The following PRMT9 variants were observed in gnomAD, a reference collection of about 807,000 sequenced individuals.
PRMT9 encodes the protein protein arginine methyltransferase 9.
A neutral mutation model predicts 83.2 loss-of-function variants in PRMT9; 59 were observed. The ratio of observed to expected loss-of-function variants is 0.71; its 90% CI spans 0.57 to 0.88. The LOEUF is 0.88. Ranked by LOEUF, PRMT9 falls within the 40% of genes least tolerant of loss-of-function variation. PRMT9 has a pLI of 0.00. For synonymous variants in PRMT9, 333 were observed against 353.2 expected (o/e 0.94, Z 0.64); for missense variants, 947 against 1,021.9 (o/e 0.93, Z 1.00).
chr4:147,667,143 A>G (rs2126621401), intron 6 of PRMT9, among the ~76,000 whole-genome samples: 1 of 152,358 alleles, frequency 6.6e-6, no homozygotes, highest in East Asian at 1.9e-4. Context: ...TGGGCAATGC[A>G]GTAAGGCATC....
chr4:147,661,026 C>T lies in PRMT9; in HGVS notation c.966G>A (p.Lys322=). ...EIRRHHRVGI[K]DIAGIHLPTN... ...TTGGCAAATGGATACCAGCAATGTCCTTAATACCCACTCTGGAGAGAGAGA... is the reference window on the plus strand; with the variant it reads ...TTGGCAAATGGATACCAGCAATGTCTTTAATACCCACTCTGGAGAGAGAGA... The change falls in exon 7 of 12, where the codon AAG becomes AAA. Residue 322 remains lysine, a synonymous_variant. Coordinates refer to ENST00000322396, the MANE Select transcript of PRMT9 (RefSeq NM_138364.4). 6.2e-7 allele frequency: 1 copy of T among 1,610,052 alleles called. No homozygotes were observed. The highest frequency in any genetic ancestry group is 8.5e-7 in the Non-Finnish European group (1 of 1,176,566).
Position 147,657,807 on chromosome 4 carries a change from C to G in PRMT9, c.1315G>C (p.Val439Leu). ...CAAGACCTACCTGCAAGGTCCTGTA[C>G]GGGGTAGACAGCCTGTTCCCAACAT... ...ETCWEQAVYP[V>L]QDLADYWIKP... Residue 439 changes from valine (V) to leucine (L), a missense_variant, in exon 8 of 12, where the codon GTA (valine) becomes CTA (leucine). Transcript: ENST00000322396. 1.2e-6 allele frequency: 2 copies of G among 1,611,786 alleles called. No individual in the cohort carries two copies. The highest frequency in any genetic ancestry group is 1.7e-6 in the Non-Finnish European group (2 of 1,179,470).
intron 8 of PRMT9, among the ~76,000 whole-genome samples, chr4:147,655,087 G>A (rs1241952756): frequency 6.6e-6 from 1 of 152,196 alleles, no homozygotes; most frequent in African/African-American, 2.4e-5. Context: ...TGCATGTCTA[G>A]GAACTTCAAA....
intron 9 of PRMT9, among the ~76,000 whole-genome samples, chr4:147,650,843 C>T (rs1265379458): frequency 2.0e-5 from 3 of 152,174 alleles, no homozygotes; most frequent in South Asian, 2.1e-4. Flanking sequence ...TGGCTCATGC[C>T]TGTAATCCCA....
At chr4:147,673,327 G>T (rs540965438) in intron 3 of PRMT9, among the ~76,000 whole-genome samples, 1 of 152,092 alleles carries the variant, frequency 6.6e-6, no homozygotes, top group African/African-American at 2.4e-5. Context: ...CTCTATTAAA[G>T]ACACAACTGG....
At chr4:147,683,720 C>CGT in intron 1 of PRMT9, 79 bp downstream of exon 1, 79 of 1,049,852 alleles carry the variant, frequency 7.5e-5, no homozygotes, top group East Asian at 2.4e-4. Context: ...AGCCCCTCCG[C>CGT]TTTTTTTTTT....
In PRMT9 at chr4:147,654,258, A is replaced by G; in HGVS notation, c.1639T>C (p.Ser547Pro). The change falls in exon 9 of 12, where the codon TCA becomes CCA. Residue 547 changes from serine to proline, a missense_variant. Physicochemically the swap from Ser to Pro is moderately conservative, Grantham distance 74 (BLOSUM62 -1). Coordinates refer to ENST00000322396, the MANE Select transcript of PRMT9 (RefSeq NM_138364.4). ...TGATACAGTTTCTCTGGAGTCAGTGAAGACAAAACTTTGCTCATTGCCATT... is the reference window on the plus strand; with the variant it reads ...TGATACAGTTTCTCTGGAGTCAGTGGAGACAAAACTTTGCTCATTGCCATT... Reference protein sequence around the residue: ...FKMAMSKVLSSLTPEKLYQTM... With the variant: ...FKMAMSKVLSPLTPEKLYQTM... The G allele has an allele frequency of 6.2e-7, 1 of 1,614,230 alleles. No individual in the cohort carries two copies. The highest frequency in any genetic ancestry group is 8.5e-7 in the Non-Finnish European group (1 of 1,180,026).
chr4:147,668,388 A>T (rs890884396), intron 6 of PRMT9, 151 bp downstream of exon 6: 2 of 653,956 alleles, frequency 3.1e-6, no homozygotes, highest in Non-Finnish European at 5.5e-6. Context: ...GCCATATAAG[A>T]CGTGCCTGCT....
In PRMT9 at chr4:147,650,837, T is replaced by TC. The variant is rs775392207; in HGVS notation, c.2045+3014dup. Among the ~76,000 whole-genome samples, 7 of 152,246 alleles carry TC rather than the reference T, an allele frequency of 4.6e-5. 1 individual carries two copies. On this transcript the variant is annotated intron_variant, in intron 9 of 11. Coordinates refer to ENST00000322396, the MANE Select transcript of PRMT9 (RefSeq NM_138364.4). ...AAGAGCCCAAGGCGGGCACGGTGGC[T>TC]CATGCCTGTAATCCCAGCACTTTGG...
chr4:147,650,904 C>T (rs1335774530), intron 9 of PRMT9, among the ~76,000 whole-genome samples: 3 of 152,164 alleles, frequency 2.0e-5, no homozygotes, highest in Non-Finnish European at 2.9e-5. Flanking sequence ...AGATCGAGAC[C>T]ATCCTGGCTA....
intron 6 of PRMT9, among the ~76,000 whole-genome samples, chr4:147,663,809 T>C (rs1032319336): frequency 5.3e-5 from 8 of 152,230 alleles, no homozygotes; most frequent in African/African-American, 1.9e-4. Flanking sequence ...TTCCATACCT[T>C]TTTTTAATAT....
intron 8 of PRMT9, 109 bp downstream of exon 8, chr4:147,657,683 C>T (rs577814033): frequency 2.5e-6 from 2 of 791,506 alleles, no homozygotes; most frequent in African/African-American, 1.7e-5. Flanking sequence ...ATTTAACCAA[C>T]CTCCTTTGAC....
intron 2 of PRMT9, among the ~76,000 whole-genome samples, chr4:147,679,704 C>T (rs1014657626): frequency 6.6e-6 from 1 of 152,084 alleles, no homozygotes; most frequent in African/African-American, 2.4e-5. Context: ...GAGCTGAGAT[C>T]ACGCCACTTC....
intron 2 of PRMT9, among the ~76,000 whole-genome samples, chr4:147,674,138 A>C (rs1433733757): frequency 6.6e-6 from 1 of 152,190 alleles, no homozygotes; most frequent in Non-Finnish European, 1.5e-5. Flanking sequence ...TGTATAGCAG[A>C]AGCTCTCACA....
chr4:147,683,868 G>A lies in PRMT9; in HGVS notation c.120C>T (p.Asp40=), dbSNP rs1736675823. The A allele has an allele frequency of 2.5e-6, 4 of 1,613,492 alleles. No individual in the cohort carries two copies. The African/African-American group carries it at 4.0e-5, about 16-fold the overall frequency. Residue 40 remains aspartate (D), a synonymous_variant, in exon 1 of 12, where the codon GAC becomes GAT. Transcript: ENST00000322396. ...GGTAGTGGGCATAGGCAGTGCCGAAGTCCTGGACGCCCAGACAGTGCTCTG... is the reference window on the plus strand; with the variant it reads ...GGTAGTGGGCATAGGCAGTGCCGAAATCCTGGACGCCCAGACAGTGCTCTG... ...QSAEHCLGVQ[D]FGTAYAHYLL...
intron 6 of PRMT9, among the ~76,000 whole-genome samples, chr4:147,664,226 T>C (rs1205241128): frequency 6.6e-6 from 1 of 152,214 alleles, no homozygotes; most frequent in African/African-American, 2.4e-5. Context: ...GAGGATCACT[T>C]GAGCTTGGGA....
Position 147,683,921 on chromosome 4 carries a change from C to G in PRMT9, c.67G>C (p.Glu23Gln). The G allele has an allele frequency of 6.2e-7, 1 of 1,613,020 alleles. No homozygotes were observed. The highest frequency in any genetic ancestry group is 1.1e-5 in the South Asian group (1 of 91,066). Residue 23 changes from glutamate to glutamine, a missense_variant, in exon 1 of 12, where the codon GAG becomes CAG. Physicochemically the swap from Glu to Gln is conservative, Grantham distance 29 (BLOSUM62 2). Coordinates refer to ENST00000322396, the MANE Select transcript of PRMT9 (RefSeq NM_138364.4). ...GGGAGAAGRD[E>Q]LVSRSLQSAE... is the part of the protein sequence containing the mutation. ...CTCTGCAAGGACCGCGACACCAGCT[C>G]GTCCCGGCCGGCTGCCCCAGCGCCA...
chr4:147,673,520 C>A, intron 3 of PRMT9, 118 bp downstream of exon 3: 2 of 777,268 alleles, frequency 2.6e-6, no homozygotes, highest in Non-Finnish European at 4.5e-6. Flanking sequence ...CATAAATAAC[C>A]CTAACAAGAT....
At chr4:147,652,520 T>C (rs1734175864) in intron 9 of PRMT9, among the ~76,000 whole-genome samples, 1 of 152,002 alleles carries the variant, frequency 6.6e-6, no homozygotes, top group South Asian at 2.1e-4. Context: ...CATCAGTATG[T>C]ATACTTTAAA....
Sources: gnomAD v4.1 joint callset for allele counts (sites outside exome capture counted in the v4.1 genomes callset) on GRCh38, gnomAD v4.1.1 for gene constraint, MANE v1.5 for transcripts, NCBI Gene and HGNC (gene_info 2026-07-23, HGNC 2026-07-21) for gene names.